Variants in MLLT10 observed in about 807,000 individuals in gnomAD.
MLLT10 encodes MLLT10 histone lysine methyltransferase DOT1L cofactor.
In MLLT10, 30 loss-of-function variants were observed where a neutral mutation model predicts 129.1. That is an observed-to-expected ratio of 0.23 (90% CI 0.17 to 0.32). MLLT10 has a LOEUF of 0.32. Ranked by LOEUF, MLLT10 falls within the 10% of genes least tolerant of loss-of-function variation. The pLI is 1.00. For missense variants in MLLT10, 1,119 were observed against 1,268.3 expected (o/e 0.88, Z 1.79); for synonymous variants, 490 against 446.4 (o/e 1.10, Z -1.23).
At chr10:21,719,616 C>G (rs1005490084) in intron 14 of MLLT10, among the ~76,000 whole-genome samples, 1 of 152,164 alleles carries the variant, frequency 6.6e-6, no homozygotes, top group African/African-American at 2.4e-5. Flanking sequence ...AAATTTGAGT[C>G]AGCAAAAGTC....
At chr10:21,677,941 A>G (rs1197228518) in intron 11 of MLLT10, among the ~76,000 whole-genome samples, 2 of 152,226 alleles carry the variant, frequency 1.3e-5, no homozygotes, top group Non-Finnish European at 2.9e-5. Flanking sequence ...TGCTTTGGAC[A>G]TAGTAAACGT....
In MLLT10 at chr10:21,534,467, G is replaced by A. The variant is rs1336088339; in HGVS notation, c.-54G>A. 1 of 572,846 alleles carries A rather than the reference G, an allele frequency of 1.7e-6. No homozygotes were observed. Among genetic ancestry groups the A allele is most frequent in the Non-Finnish European group, 3.0e-6 (1 of 336,982 alleles). 35.5% of individuals were successfully genotyped at this position (572,846 alleles called of 1,614,324 possible). Reference sequence around the variant, plus strand: ...AGGGGAGGTGGGGGGAATCAGCAAGGACATGGCTCCTGACTCCTGTGCGGA... The same window carrying A: ...AGGGGAGGTGGGGGGAATCAGCAAGAACATGGCTCCTGACTCCTGTGCGGA... On this transcript the variant is annotated 5_prime_UTR_variant, in exon 1 of 23. Transcript: ENST00000307729.
rs2052730825 is a variant in MLLT10, at chr10:21,681,474, TC to T, written c.1666+100del. The T allele has an allele frequency of 5.1e-6, 4 of 791,048 alleles. No individual in the cohort carries two copies. The East Asian group carries it at 1.1e-4, about 22-fold the overall frequency. 49.0% of individuals were successfully genotyped at this position (791,048 alleles called of 1,614,324 possible). On this transcript the variant is annotated intron_variant, in intron 12 of 22. Coordinates refer to ENST00000307729, the MANE Select transcript of MLLT10 (RefSeq NM_001195626.3). ...CCTCGGAACCTCTAAATTTTAATAT[TC>T]CAAAATGCAAGTTTTTCTTAATTGA...
chr10:21,679,855 C>T (rs1564634547), intron 11 of MLLT10, among the ~76,000 whole-genome samples: 1 of 152,094 alleles, frequency 6.6e-6, no homozygotes, highest in Non-Finnish European at 1.5e-5. Flanking sequence ...TGGGCGCACT[C>T]AAAAAGTTTT....
intron 11 of MLLT10, 64 bp from the exon 12 acceptor site, chr10:21,681,268 C>CT (rs34851133): frequency 1.9e-5 from 30 of 1,600,278 alleles, no homozygotes; most frequent in Admixed American, 1.7e-5. Flanking sequence ...TGGCCTATCT[C>CT]TTTTTTTACC....
chr10:21,579,602 G>A (rs1163165372), intron 3 of MLLT10, among the ~76,000 whole-genome samples: 1 of 138,358 alleles, frequency 7.2e-6, no homozygotes, highest in East Asian at 2.1e-4. Flanking sequence ...CGCTCTTGTT[G>A]CCCAAACTGG....
At chr10:21,635,081 C>T (rs1002113017) in intron 8 of MLLT10, among the ~76,000 whole-genome samples, 2 of 152,170 alleles carry the variant, frequency 1.3e-5, no homozygotes, top group African/African-American at 4.8e-5. Flanking sequence ...GAGATCATAC[C>T]AGTCCTTCTT....
At chr10:21,629,779 G>A (rs1490743488) in intron 8 of MLLT10, among the ~76,000 whole-genome samples, 1 of 152,124 alleles carries the variant, frequency 6.6e-6, no homozygotes, top group East Asian at 1.9e-4. Context: ...TGGGTGTGAG[G>A]AAGTACAGGT....
chr10:21,733,989 A>C lies in MLLT10; in HGVS notation c.2718A>C (p.Gln906His), dbSNP rs1323405058. 1 of 1,614,184 alleles carries C rather than the reference A, an allele frequency of 6.2e-7. No homozygotes were observed. The highest frequency in any genetic ancestry group is 1.1e-5 in the South Asian group (1 of 91,088). ...GGIIGALPGN[Q>H]LAINGIVGAL... The stretch of plus-strand genomic sequence containing the variant: ...TAATTGGAGCTTTGCCAGGTAACCA[A>C]CTGGCAATTAATGGCATTGTAGGAG... The change falls in exon 20 of 23, where the codon CAA becomes CAC. Residue 906 changes from glutamine to histidine, a missense_variant. Gln to His is a conservative substitution (Grantham distance 24). This residue lies in a region of MLLT10 where 1,004 missense variants were observed against 1,008.7 expected (regional missense o/e 1.00). Transcript: ENST00000307729.
chr10:21,740,839 C>G (rs1195336726), intron 22 of MLLT10, among the ~76,000 whole-genome samples: 1 of 152,196 alleles, frequency 6.6e-6, no homozygotes, highest in African/African-American at 2.4e-5. Context: ...AAGGCCGTTT[C>G]GATTAATTCT....
intron 3 of MLLT10, among the ~76,000 whole-genome samples, chr10:21,571,592 T>A (rs950014611): frequency 6.6e-5 from 10 of 152,242 alleles, no homozygotes; most frequent in Admixed American, 2.6e-4. Context: ...TTATTAGGTT[T>A]TTATTATTTC....
At position 21,586,329 on chromosome 10, in the gene MLLT10, A is replaced by G. The variant is rs767701030; in HGVS notation, c.276A>G (p.Leu92=). The stretch of plus-strand genomic sequence containing the variant: ...TTTGTCCCCATAAGGATGGAGCTTT[A>G]AAAAGAACAGATAATGGGGGTAAGT... ...CELCPHKDGA[L]KRTDNGGWAH... The change falls in exon 4 of 23, where the codon TTA becomes TTG. Residue 92 remains leucine (L), a synonymous_variant. Coordinates refer to ENST00000307729, the MANE Select transcript of MLLT10 (RefSeq NM_001195626.3). 4 of 1,587,168 alleles carry G rather than the reference A, an allele frequency of 2.5e-6. No homozygotes were observed. Among genetic ancestry groups the G allele is most frequent in the Non-Finnish European group, 2.6e-6 (3 of 1,166,710 alleles).
rs1463679946 is a variant in MLLT10 at position 21,551,332 on chromosome 10, CTTT to C, written c.240+12424_240+12426del. Among the ~76,000 whole-genome samples, 10 of 53,462 alleles carry C rather than the reference CTTT, an allele frequency of 1.9e-4. No individual in the cohort carries two copies. The East Asian group carries it at 4.4e-3, about 24-fold the overall frequency. The allele number at this position is 53,462 out of a possible 152,430, so 35.1% of individuals were successfully genotyped here. A position where few individuals can be genotyped will look rare whatever the true frequency, so the allele number is the denominator to read the frequency against. ...TTTTTTTTTTACATAACACAAATAA[CTTT>C]TTTATTTCTGTACAGGCTTTTTAGC... is the stretch of plus-strand genomic sequence containing the variant. On this transcript the variant is annotated intron_variant, in intron 3 of 22. Coordinates refer to ENST00000307729, the MANE Select transcript of MLLT10 (RefSeq NM_001195626.3).
intron 5 of MLLT10, among the ~76,000 whole-genome samples, chr10:21,607,511 G>A (rs1042524950): frequency 2.0e-5 from 3 of 151,830 alleles, no homozygotes; most frequent in South Asian, 2.1e-4. Context: ...GTAGATACAC[G>A]GTTTCTCCAT....
intron 21 of MLLT10, among the ~76,000 whole-genome samples, chr10:21,739,336 A>G (rs2058642881): frequency 6.6e-6 from 1 of 152,020 alleles, no homozygotes; most frequent in South Asian, 2.1e-4. Context: ...CTGCCCCCAT[A>G]TCCACCCAGC....
At chr10:21,619,019 C>T (rs1225427705) in intron 8 of MLLT10, among the ~76,000 whole-genome samples, 1 of 139,014 alleles carries the variant, frequency 7.2e-6, no homozygotes, top group Non-Finnish European at 1.5e-5. Context: ...AGCCACCGTG[C>T]CTGGTGACAT....
chr10:21,622,412 G>A (rs1034714656), intron 8 of MLLT10, among the ~76,000 whole-genome samples: 6 of 150,490 alleles, frequency 4.0e-5, no homozygotes, highest in Non-Finnish European at 4.4e-5. Context: ...AAGCAATTCT[G>A]CCTTGGCCTC....
intron 13 of MLLT10, among the ~76,000 whole-genome samples, chr10:21,702,945 G>T (rs2055067570): frequency 6.6e-6 from 1 of 152,028 alleles, no homozygotes; most frequent in Non-Finnish European, 1.5e-5. Context: ...GATATGTGAG[G>T]TTTTGTTTTT....
At chr10:21,564,849 A>G (rs1193456214) in intron 3 of MLLT10, among the ~76,000 whole-genome samples, 5 of 151,012 alleles carry the variant, frequency 3.3e-5, no homozygotes, top group Middle Eastern at 3.4e-3. Flanking sequence ...AAGGTATTCC[A>G]CTCTTGGTGA....
Sources: allele counts gnomAD v4.1 joint callset (sites outside exome capture counted in the v4.1 genomes callset), GRCh38; gene constraint gnomAD v4.1.1; regional missense constraint gnomAD v4.1.1; transcripts MANE v1.5; gene names NCBI Gene and HGNC (gene_info 2026-07-23, HGNC 2026-07-21).